IRAK3: variants seen among roughly 807,000 people sequenced by gnomAD.
IRAK3 encodes the protein interleukin-1 receptor-associated kinase 3.
IRAK3 carries 57 observed loss-of-function variants against 56.6 expected under a neutral mutation model. The ratio of observed to expected loss-of-function variants is 1.01; its 90% CI spans 0.81 to 1.26. IRAK3 has a LOEUF of 1.26. Ranked by LOEUF, IRAK3 falls within the 50% of genes most tolerant of loss-of-function variation. The pLI is 0.00. For synonymous variants in IRAK3, 258 were observed against 255.7 expected (o/e 1.01, Z -0.09); for missense variants, 703 against 719.0 (o/e 0.98, Z 0.25).
intron 4 of IRAK3, among the ~76,000 whole-genome samples, chr12:66,210,482 G>T (rs923413149): frequency 6.6e-6 from 1 of 152,126 alleles, no homozygotes; most frequent in Non-Finnish European, 1.5e-5. Flanking sequence ...TGCTATGTTT[G>T]TGTGTCATGG....
Position 66,248,247 on chromosome 12 carries a change from G to A in IRAK3, c.*76G>A, listed in dbSNP as rs1014790297. The A allele has an allele frequency of 2.3e-5, 23 of 1,004,054 alleles. No individual in the cohort carries two copies. In the South Asian group the frequency reaches 3.1e-4, roughly 13 times the overall value. The allele number at this position is 1,004,054 out of a possible 1,614,324, so 62.2% of individuals were successfully genotyped here. A position where few individuals can be genotyped will look rare whatever the true frequency, so the allele number is the denominator to read the frequency against. ...ATAGGTATGACCTTGGGAAGACATT[G>A]GCTCCATAAGCAATGCCAAGAGAAT... On this transcript the variant is annotated 3_prime_UTR_variant, in exon 12 of 12. Transcript: ENST00000261233.
chr12:66,210,096 C>G lies in IRAK3; in HGVS notation c.382-51C>G, dbSNP rs773004045. The G allele has an allele frequency of 2.5e-6, 3 of 1,209,736 alleles. No homozygotes were observed. The Admixed American group carries it at 5.1e-5, about 20-fold the overall frequency. The allele number at this position is 1,209,736 out of a possible 1,614,324, so 74.9% of individuals were successfully genotyped here. On this transcript the variant is annotated intron_variant, in intron 3 of 11. Coordinates refer to ENST00000261233, the MANE Select transcript of IRAK3 (RefSeq NM_007199.3). Reference sequence around the variant, plus strand: ...TTTGGATTTGTGTTGAGGCTCTGTTCTTTCTAGATGTATGAAATGGAATTA... The same window carrying G: ...TTTGGATTTGTGTTGAGGCTCTGTTGTTTCTAGATGTATGAAATGGAATTA...
At chr12:66,218,605 AAT>A (rs2052700733) in intron 6 of IRAK3, among the ~76,000 whole-genome samples, 1 of 152,208 alleles carries the variant, frequency 6.6e-6, no homozygotes, top group African/African-American at 2.4e-5. Context: ...GATAGGTGAA[AAT>A]AGTTTATCAG....
At chr12:66,246,392 G>C (rs1221409982) in intron 11 of IRAK3, among the ~76,000 whole-genome samples, 1 of 152,288 alleles carries the variant, frequency 6.6e-6, no homozygotes, top group Non-Finnish European at 1.5e-5. Context: ...TCCATTCTAG[G>C]AGTTTGGATT....
chr12:66,246,638 T>G (rs979945322), intron 11 of IRAK3, among the ~76,000 whole-genome samples: 2 of 152,250 alleles, frequency 1.3e-5, no homozygotes, highest in African/African-American at 2.4e-5. Context: ...CCTTACTGAC[T>G]AATGATACTG....
chr12:66,228,410 C>G lies in IRAK3; in HGVS notation c.887+40C>G, dbSNP rs751998801. The G allele has an allele frequency of 3.8e-6, 5 of 1,309,336 alleles. No homozygotes were observed. The South Asian group carries it at 5.9e-5, about 15-fold the overall frequency. The allele number at this position is 1,309,336 out of a possible 1,614,324, so 81.1% of individuals were successfully genotyped here. On this transcript the variant is annotated intron_variant, in intron 8 of 11. Transcript: ENST00000261233. ...AGCTTTTGGTTATACCTGAAAGCTT[C>G]TTTTATCCTCACATGTGAGTCATAC... is the stretch of plus-strand genomic sequence containing the variant.
In IRAK3 at chr12:66,211,512, A is replaced by C. The variant is rs1565802621; in HGVS notation, c.503A>C (p.Asp168Ala). The C allele has an allele frequency of 6.2e-7, 1 of 1,607,770 alleles. No individual in the cohort carries two copies. The highest frequency in any genetic ancestry group is 8.5e-7 in the Non-Finnish European group (1 of 1,174,182). ...IIEGTRNFHK[D>A]FLIGEGEIFE... ...GAAGGAACTAGAAATTTCCACAAAG[A>C]CTTCCTAATTGGAGAAGGAGAGATT... The change falls in exon 5 of 12, where the codon GAC becomes GCC. Residue 168 changes from aspartate to alanine, a missense_variant. Asp to Ala is a moderately radical substitution (Grantham distance 126). Coordinates refer to ENST00000261233, the MANE Select transcript of IRAK3 (RefSeq NM_007199.3).
At chr12:66,203,113 A>T (rs567031499) in intron 1 of IRAK3, among the ~76,000 whole-genome samples, 16 of 152,202 alleles carry the variant, frequency 1.1e-4, no homozygotes, top group Non-Finnish European at 2.1e-4. Flanking sequence ...CCACTGGTGG[A>T]TGCAAATATT....
rs750363792 is a variant in IRAK3, at chr12:66,217,176, A to G, written c.594A>G (p.Lys198=). 6.2e-7 allele frequency: 1 copy of G among 1,607,182 alleles called. No homozygotes were observed. The highest frequency in any genetic ancestry group is 8.5e-7 in the Non-Finnish European group (1 of 1,173,706). The change falls in exon 6 of 12, where the codon AAA becomes AAG. Residue 198 remains lysine, a synonymous_variant. Transcript: ENST00000261233. ...TTGTCTTTCTGTATATGTAGGAGAA[A>G]AAAATGCAGTGTAAGAAGCATTGGA... ...TYAVKLFKQE[K]KMQCKKHWKR...
chr12:66,248,050 A>G lies in IRAK3; in HGVS notation c.1670A>G (p.Tyr557Cys), dbSNP rs754949453. 1.0e-5 allele frequency: 16 copies of G among 1,585,396 alleles called. No homozygotes were observed. Among genetic ancestry groups the G allele is most frequent in the African/African-American group, 9.5e-5 (7 of 73,396 alleles). The change falls in exon 12 of 12, where the codon TAT becomes TGT. Residue 557 changes from tyrosine (Y) to cysteine (C), a missense_variant. Tyr to Cys is a radical substitution (Grantham distance 194). Transcript: ENST00000261233. ...GTTCCATCCCAGGACTTAAGGCCCTATAAGGTAAATATAGATCCTTCTTCA... is the reference window on the plus strand; with the variant it reads ...GTTCCATCCCAGGACTTAAGGCCCTGTAAGGTAAATATAGATCCTTCTTCA... ...YIVPSQDLRP[Y>C]KVNIDPSSEA...
In IRAK3 at chr12:66,248,814, A is replaced by G. The variant is rs1474845832; in HGVS notation, c.*643A>G. On this transcript the variant is annotated 3_prime_UTR_variant, in exon 12 of 12. Coordinates refer to ENST00000261233, the MANE Select transcript of IRAK3 (RefSeq NM_007199.3). ...TAGGACAGTTTATCCTGTATTGACTATTATTACAGCTTTTTAAAAACAGAC... is the reference window on the plus strand; with the variant it reads ...TAGGACAGTTTATCCTGTATTGACTGTTATTACAGCTTTTTAAAAACAGAC... 1 of 152,228 alleles carries G rather than the reference A, an allele frequency of 6.6e-6. No individual in the cohort carries two copies. Among genetic ancestry groups the G allele is most frequent in the Non-Finnish European group, 1.5e-5 (1 of 68,058 alleles). 9.4% of individuals were successfully genotyped at this position (152,228 alleles called of 1,614,324 possible). A position where few individuals can be genotyped will look rare whatever the true frequency, so the allele number is the denominator to read the frequency against.
chr12:66,204,778 G>GCACA (rs59511601), intron 2 of IRAK3, among the ~76,000 whole-genome samples: 6,062 of 147,788 alleles, frequency 0.041, 165 homozygotes, highest in Non-Finnish European at 0.062. Context: ...GAGCCCTTGC[G>GCACA]CACACACACA....
chr12:66,195,689 C>T (rs965063847), intron 1 of IRAK3, among the ~76,000 whole-genome samples: 3 of 152,056 alleles, frequency 2.0e-5, no homozygotes, highest in East Asian at 1.9e-4. Flanking sequence ...GACGGAGTTT[C>T]GCTTTTGTTG....
chr12:66,215,679 C>T (rs577897434), intron 5 of IRAK3, among the ~76,000 whole-genome samples: 6 of 152,194 alleles, frequency 3.9e-5, no homozygotes, highest in Non-Finnish European at 8.8e-5. Context: ...TGTACAAAGT[C>T]TTACTGTCTC....
At chr12:66,223,395 C>G (rs1565806324) in intron 6 of IRAK3, among the ~76,000 whole-genome samples, 1 of 151,946 alleles carries the variant, frequency 6.6e-6, no homozygotes, top group Non-Finnish European at 1.5e-5. Context: ...CGCGGTGGCT[C>G]ACGCCTGTAA....
In IRAK3 at chr12:66,210,262, A is replaced by G. The variant is rs908138640; in HGVS notation, c.436+61A>G. The G allele has an allele frequency of 1.8e-5, 17 of 941,408 alleles. 1 individual carries two copies. Among genetic ancestry groups the G allele is most frequent in the Admixed American group, 1.4e-4 (8 of 56,196 alleles). The allele number at this position is 941,408 out of a possible 1,614,324, so 58.3% of individuals were successfully genotyped here. On this transcript the variant is annotated intron_variant, in intron 4 of 11. Transcript: ENST00000261233. ...TAAAATCATACTTTCATTTAAGTGA[A>G]TTAAGAGGGAGAAATACCCAATAAA...
intron 1 of IRAK3, chr12:66,197,633 T>C (rs1344507180): frequency 1.0e-6 from 1 of 985,446 alleles, no homozygotes; most frequent in Non-Finnish European, 1.2e-6. Context: ...TTTAACAGTC[T>C]GGATCAGTTT....
chr12:66,232,377 G>A (rs726302), intron 8 of IRAK3, among the ~76,000 whole-genome samples: 11,497 of 152,104 alleles, frequency 0.076, 1,227 homozygotes, highest in African/African-American at 0.24. Flanking sequence ...TCCCTTCCAC[G>A]GCCATTGAAC....
intron 8 of IRAK3, among the ~76,000 whole-genome samples, chr12:66,239,581 G>A (rs2052943651): frequency 1.3e-5 from 2 of 152,130 alleles, no homozygotes; most frequent in South Asian, 2.1e-4. Context: ...TGACTGATAA[G>A]ATTCTTTAAT....
Sources: gnomAD v4.1 joint callset for allele counts (sites outside exome capture counted in the v4.1 genomes callset) on GRCh38, gnomAD v4.1.1 for gene constraint, MANE v1.5 for transcripts, NCBI Gene and HGNC (gene_info 2026-07-23, HGNC 2026-07-21) for gene names.